The following EPHA3 variants were observed in gnomAD, a reference collection of about 807,000 sequenced individuals.
The protein encoded by EPHA3 is ephrin type-A receptor 3.
In EPHA3, 42 loss-of-function variants were observed where a neutral mutation model predicts 107.1. That is an observed-to-expected ratio of 0.39 (90% CI 0.31 to 0.51). EPHA3 has a LOEUF of 0.51. Among genes scored for constraint, EPHA3 ranks in the 20% least tolerant of loss-of-function variants. The pLI is 0.78. For synonymous variants in EPHA3, 461 were observed against 424.8 expected, an observed-to-expected ratio of 1.09 and a Z score of -1.05; for missense variants, 1,183 against 1,211.2, an observed-to-expected ratio of 0.98 and a Z score of 0.35.
At position 89,466,685 on chromosome 3, in the gene EPHA3, C is replaced by T. The variant is rs1403698694; in HGVS notation, c.2691-5779C>T. 1.1e-4 allele frequency among the ~76,000 whole-genome samples: 14 copies of T among 131,782 alleles called. 1 individual carries two copies. In the East Asian group the frequency reaches 1.2e-3, roughly 12 times the overall value. The allele number at this position is 131,782 out of a possible 152,430, so 86.5% of individuals were successfully genotyped here. ...GGTGAGGCAATGCCTCGCCCTGCTT[C>T]GGCTCGCGCACGGTGCGCACACACA... is the stretch of plus-strand genomic sequence containing the variant. On this transcript the variant is annotated intron_variant, in intron 15 of 16. Coordinates refer to ENST00000336596, the MANE Select transcript of EPHA3 (RefSeq NM_005233.6).
intron 3 of EPHA3, among the ~76,000 whole-genome samples, chr3:89,232,323 T>C (rs1704657603): frequency 6.6e-6 from 1 of 152,014 alleles, no homozygotes; most frequent in Non-Finnish European, 1.5e-5. Flanking sequence ...TAGAGGAAGC[T>C]TTATTGCTGG....
intron 3 of EPHA3, among the ~76,000 whole-genome samples, chr3:89,231,184 G>A (rs1273603348): frequency 2.0e-5 from 3 of 151,902 alleles, no homozygotes; most frequent in Non-Finnish European, 4.4e-5. Context: ...TCATTTAATT[G>A]GAGAAACTAT....
chr3:89,353,711 C>A (rs373197338), intron 5 of EPHA3, among the ~76,000 whole-genome samples: 2 of 151,282 alleles, frequency 1.3e-5, no homozygotes, highest in South Asian at 4.2e-4. Flanking sequence ...AGGCACATTG[C>A]GTAACTGTAG....
chr3:89,375,943 A>C (rs1256041909), intron 5 of EPHA3, among the ~76,000 whole-genome samples: 8 of 151,972 alleles, frequency 5.3e-5, no homozygotes, highest in Non-Finnish European at 1.2e-4. Context: ...TCAGATCTCC[A>C]TAAAGGCAGG....
At chr3:89,186,691 C>A (rs1705576051) in intron 2 of EPHA3, among the ~76,000 whole-genome samples, 2 of 152,028 alleles carry the variant, frequency 1.3e-5, no homozygotes, top group Admixed American at 1.3e-4. Flanking sequence ...CCAGCTGGTG[C>A]TTTTTACAGT....
intron 3 of EPHA3, among the ~76,000 whole-genome samples, chr3:89,327,638 A>C (rs940982297): frequency 6.6e-6 from 1 of 152,112 alleles, no homozygotes; most frequent in African/African-American, 2.4e-5. Context: ...GTATAATCAA[A>C]TTGGTAGGTG....
At chr3:89,392,596 T>A (rs1708767415) in intron 5 of EPHA3, among the ~76,000 whole-genome samples, 1 of 152,174 alleles carries the variant, frequency 6.6e-6, no homozygotes, top group African/African-American at 2.4e-5. Context: ...TGAAAGTTTT[T>A]TTTTTCCATT....
chr3:89,195,542 A>C (rs1705818648), intron 2 of EPHA3, among the ~76,000 whole-genome samples: 1 of 152,170 alleles, frequency 6.6e-6, no homozygotes, highest in Admixed American at 6.5e-5. Flanking sequence ...TTAGCTTAAA[A>C]CCTCAGAGTC....
chr3:89,202,534 A>AATATATATAT (rs71105121), intron 2 of EPHA3, among the ~76,000 whole-genome samples: 1 of 37,684 alleles, frequency 2.7e-5, no homozygotes, highest in African/African-American at 7.2e-5. Flanking sequence ...AAAAAAAAAA[A>AATATATATAT]ATATATATAT....
At chr3:89,251,221 T>C (rs1705158979) in intron 3 of EPHA3, among the ~76,000 whole-genome samples, 1 of 151,862 alleles carries the variant, frequency 6.6e-6, no homozygotes, top group Non-Finnish European at 1.5e-5. Context: ...TCTTCCAGAA[T>C]AAAAAACAAA....
intron 2 of EPHA3, among the ~76,000 whole-genome samples, chr3:89,149,159 G>C (rs1199723417): frequency 6.6e-6 from 1 of 151,934 alleles, no homozygotes; most frequent in Non-Finnish European, 1.5e-5. Flanking sequence ...TTTATAGAGT[G>C]CTGGTTTCTA....
At chr3:89,134,224 T>TAAA (rs200749972) in intron 2 of EPHA3, among the ~76,000 whole-genome samples, 6,375 of 149,776 alleles carry the variant, frequency 0.043, 176 homozygotes, top group Middle Eastern at 0.076. Context: ...TTTTTTTTTT[T>TAAA]AAAAAAATTA....
intron 3 of EPHA3, among the ~76,000 whole-genome samples, chr3:89,296,391 G>C (rs55688279): frequency 6.8e-4 from 103 of 152,262 alleles, no homozygotes; most frequent in Non-Finnish European, 1.2e-3. Context: ...ATGTTAACAC[G>C]CATGGAAAAT....
intron 7 of EPHA3, among the ~76,000 whole-genome samples, chr3:89,404,944 G>C (rs1230538818): frequency 6.6e-6 from 1 of 152,236 alleles, no homozygotes; most frequent in African/African-American, 2.4e-5. Context: ...GAGCATTTTT[G>C]AAATATTGGA....
At chr3:89,297,091 G>T (rs774012973) in intron 3 of EPHA3, among the ~76,000 whole-genome samples, 1 of 152,134 alleles carries the variant, frequency 6.6e-6, no homozygotes, top group Non-Finnish European at 1.5e-5. Flanking sequence ...GATCTTCTCT[G>T]CAGACCACTA....
intron 1 of EPHA3, among the ~76,000 whole-genome samples, chr3:89,124,543 C>G (rs1293725005): frequency 6.6e-6 from 1 of 151,950 alleles, no homozygotes; most frequent in African/African-American, 2.4e-5. Flanking sequence ...TTGAAGTTAA[C>G]TATTCTACTC....
In EPHA3 at chr3:89,479,611, A is replaced by G; in HGVS notation, c.*109A>G. On this transcript the variant is annotated 3_prime_UTR_variant, in exon 17 of 17. Coordinates refer to ENST00000336596, the MANE Select transcript of EPHA3 (RefSeq NM_005233.6). ...GATACTGGTGGAAGTTCCAAGTCCAATAAGACACTCAAATATGAGTACAAA... is the reference window on the plus strand; with the variant it reads ...GATACTGGTGGAAGTTCCAAGTCCAGTAAGACACTCAAATATGAGTACAAA... The G allele has an allele frequency of 3.8e-6, 3 of 784,452 alleles. No homozygotes were observed. Among genetic ancestry groups the G allele is most frequent in the Admixed American group, 2.4e-5 (1 of 42,466 alleles). The allele number at this position is 784,452 out of a possible 1,614,324, so 48.6% of individuals were successfully genotyped here. A position where few individuals can be genotyped will look rare whatever the true frequency, so the allele number is the denominator to read the frequency against.
chr3:89,392,726 C>T (rs1362673508), intron 5 of EPHA3, among the ~76,000 whole-genome samples: 2 of 151,918 alleles, frequency 1.3e-5, no homozygotes, highest in East Asian at 1.9e-4. Context: ...TACAGAAAAA[C>T]ACTGATTTAA....
intron 3 of EPHA3, among the ~76,000 whole-genome samples, chr3:89,291,731 CCACTTTATGAGTCTGT>C (rs1454512559): frequency 6.6e-6 from 1 of 152,082 alleles, no homozygotes; most frequent in Non-Finnish European, 1.5e-5. Context: ...ATCATTTGCT[CCACTTTATGAGTCTGT>C]CACTTTAAAG....
Sources: gnomAD v4.1 joint callset for allele counts (sites outside exome capture counted in the v4.1 genomes callset) on GRCh38, gnomAD v4.1.1 for gene constraint, MANE v1.5 for transcripts, NCBI Gene and HGNC (gene_info 2026-07-23, HGNC 2026-07-21) for gene names.